The following SERAC1 variants were observed in gnomAD, a reference collection of about 807,000 sequenced individuals.
The protein encoded by SERAC1 is protein SERAC1.
In SERAC1, 36 loss-of-function variants were observed where a neutral mutation model predicts 85.7. That is an observed-to-expected ratio of 0.42 (90% confidence interval 0.32 to 0.55). The LOEUF (loss-of-function observed/expected upper bound fraction) is 0.55. Among genes scored for constraint, SERAC1 ranks in the 20% least tolerant of loss-of-function variants. SERAC1 has a pLI of 0.11. For missense variants in SERAC1, 629 were observed against 796.2 expected, an observed-to-expected ratio of 0.79 and a Z score of 2.53; for synonymous variants, 242 against 265.3, an observed-to-expected ratio of 0.91 and a Z score of 0.85.
intron 1 of SERAC1, among the ~76,000 whole-genome samples, chr6:158,165,292 A>T (rs1785571820): frequency 3.9e-5 from 6 of 151,982 alleles, no homozygotes. Context: ...AGTAGCTGGG[A>T]CTACAGGCGG....
intron 1 of SERAC1, among the ~76,000 whole-genome samples, chr6:158,165,260 A>G (rs1785571065): frequency 6.6e-6 from 1 of 151,852 alleles, no homozygotes. Flanking sequence ...GGTTCACACC[A>G]TTCTCCTGCC....
chr6:158,164,550 A>G (rs900171369), intron 1 of SERAC1, among the ~76,000 whole-genome samples: 2 of 152,160 alleles, frequency 1.3e-5, no homozygotes, highest in African/African-American at 4.8e-5. Flanking sequence ...GAACGGAGAA[A>G]TTTTGAGACT....
chr6:158,167,340 C>G (rs1173996435), intron 1 of SERAC1, among the ~76,000 whole-genome samples: 1 of 151,028 alleles, frequency 6.6e-6, no homozygotes, highest in Non-Finnish European at 1.5e-5. Context: ...GAATTCCAGA[C>G]CAGCCTGGCC....
At chr6:158,138,578 G>A (rs1220301952) in intron 8 of SERAC1, among the ~76,000 whole-genome samples, 1 of 152,126 alleles carries the variant, frequency 6.6e-6, no homozygotes, top group Admixed American at 6.5e-5. Context: ...GGTCTCAGGA[G>A]CTCCGACATG....
chr6:158,129,816 C>T (rs1784629988), intron 9 of SERAC1, among the ~76,000 whole-genome samples: 1 of 151,962 alleles, frequency 6.6e-6, no homozygotes, highest in South Asian at 2.1e-4. Context: ...CCTGCCTCAG[C>T]CTCCAAGTAG....
intron 1 of SERAC1, chr6:158,166,164 A>G (rs981065029): frequency 1.3e-5 from 2 of 152,190 alleles, no homozygotes; most frequent in African/African-American, 4.8e-5. Flanking sequence ...ACTGTTGTCA[A>G]TAGTTTGAAA....
At chr6:158,123,347 C>T (rs969931986) in intron 10 of SERAC1, among the ~76,000 whole-genome samples, 3 of 152,260 alleles carry the variant, frequency 2.0e-5, no homozygotes, top group Admixed American at 6.5e-5. Flanking sequence ...CAGGCCCAAA[C>T]ATGGCTGGAG....
At position 158,111,108 on chromosome 6, in the gene SERAC1, C is replaced by T. The variant is rs185841896; in HGVS notation, c.*258G>A. ...GCTCCAGTCACCAAGCCCAACACTG[C>T]GAACCATAAAGCAGCACACAGGGAC... On this transcript the variant is annotated 3_prime_UTR_variant, in exon 17 of 17. Transcript: ENST00000647468. 1.3e-3 allele frequency: 334 copies of T among 259,010 alleles called. 4 individuals carry two copies. Among genetic ancestry groups the T allele is most frequent in the Non-Finnish European group, 1.6e-4 (22 of 135,812 alleles). The allele number at this position is 259,010 out of a possible 1,614,324, so 16.0% of individuals were successfully genotyped here. A position where few individuals can be genotyped will look rare whatever the true frequency, so the allele number is the denominator to read the frequency against.
intron 10 of SERAC1, among the ~76,000 whole-genome samples, chr6:158,126,946 G>A (rs558968887): frequency 2.6e-5 from 4 of 152,032 alleles, no homozygotes; most frequent in Admixed American, 6.6e-5. Context: ...CCAGCTACTC[G>A]GGAGGCTGAG....
intron 3 of SERAC1, among the ~76,000 whole-genome samples, chr6:158,151,490 C>T (rs912653952): frequency 2.0e-5 from 3 of 152,024 alleles, no homozygotes; most frequent in Non-Finnish European, 4.4e-5. Context: ...GGCACAATCT[C>T]GGCTCACCGC....
intron 1 of SERAC1, among the ~76,000 whole-genome samples, chr6:158,160,102 A>C (rs1785452706): frequency 6.6e-6 from 1 of 152,126 alleles, no homozygotes; most frequent in African/African-American, 2.4e-5. Context: ...ACAGCTCCAA[A>C]CGGCCATTGA....
chr6:158,115,243 G>C lies in SERAC1; in HGVS notation c.1502-272C>G, dbSNP rs116044868. 6.8e-3 allele frequency among the ~76,000 whole-genome samples: 1,033 copies of C among 152,340 alleles called. 15 individuals are homozygous for C. Among genetic ancestry groups the C allele is most frequent in the African/African-American group, 0.024 (985 of 41,584 alleles). On this transcript the variant is annotated intron_variant, in intron 14 of 16. Transcript: ENST00000647468. ...TTGTCTCACAGGATCTACTGTCCCA[G>C]TGCAGGAACATGAGGTATGCCCAGC...
In SERAC1 at chr6:158,119,082, C is replaced by G; in HGVS notation, c.1255G>C (p.Val419Leu). 6.2e-7 allele frequency: 1 copy of G among 1,614,032 alleles called. No individual in the cohort carries two copies. Among genetic ancestry groups the G allele is most frequent in the African/African-American group, 1.3e-5 (1 of 75,064 alleles). The stretch of plus-strand genomic sequence containing the variant: ...TCATCCTCCATAGGTTTTTCAATTA[C>G]AGCCTGCTCACTGTCCTGCTGGCGC... ...TWRQQDSEQA[V>L]IEKPMEDEDR... Residue 419 changes from valine to leucine, a missense_variant, in exon 12 of 17, where the codon GTA (valine) becomes CTA (leucine). Physicochemically the swap from Val to Leu is conservative, Grantham distance 32. Coordinates refer to ENST00000647468, the MANE Select transcript of SERAC1 (RefSeq NM_032861.4). The surrounding 1 kb of genome is among the most constrained non-coding windows in gnomAD (Gnocchi z 4.5).
chr6:158,141,887 AC>A (rs1026036698), intron 8 of SERAC1, among the ~76,000 whole-genome samples: 2 of 152,228 alleles, frequency 1.3e-5, no homozygotes, highest in African/African-American at 4.8e-5. Flanking sequence ...AGTATACTAG[AC>A]AAGTCATTTC....
chr6:158,144,244 A>G, intron 7 of SERAC1, 55 bp downstream of exon 7: 1 of 1,392,280 alleles, frequency 7.2e-7, no homozygotes, highest in Non-Finnish European at 9.9e-7. Flanking sequence ...AAGTGAAGAT[A>G]ATATATTAAA....
intron 8 of SERAC1, among the ~76,000 whole-genome samples, chr6:158,137,404 G>C (rs1325308508): frequency 6.6e-6 from 1 of 151,550 alleles, no homozygotes; most frequent in Non-Finnish European, 1.5e-5. Flanking sequence ...ACGGAGTCTT[G>C]CTCTGTCATT....
In SERAC1 at chr6:158,113,535, T is replaced by G. The variant is rs1201129726; in HGVS notation, c.1742A>C (p.Asn581Thr). 2 of 1,613,862 alleles carry G rather than the reference T, an allele frequency of 1.2e-6. No individual in the cohort carries two copies. The highest frequency in any genetic ancestry group is 1.7e-6 in the Non-Finnish European group (2 of 1,179,870). The change falls in exon 16 of 17, where the codon AAC (asparagine) becomes ACC (threonine). Residue 581 changes from asparagine (N) to threonine (T), a missense_variant. Coordinates refer to ENST00000647468, the MANE Select transcript of SERAC1 (RefSeq NM_032861.4). ...DDFLEFAKDK[N>T]FQVLNFVETL... The stretch of plus-strand genomic sequence containing the variant: ...TTCCACAAAATTCAGCACCTGGAAG[T>G]TTTTGTCTTTAGCAAACTCCAGAAA...
chr6:158,131,313 T>G (rs916600167), intron 8 of SERAC1, among the ~76,000 whole-genome samples: 4 of 147,430 alleles, frequency 2.7e-5, no homozygotes, highest in Non-Finnish European at 4.5e-5. Context: ...TATTATATAT[T>G]TATATATTGT....
intron 3 of SERAC1, among the ~76,000 whole-genome samples, chr6:158,154,159 C>CAAA (rs3041474): frequency 0.11 from 7,525 of 65,838 alleles, 672 homozygotes; most frequent in East Asian, 0.42. Flanking sequence ...AACTCTGTCT[C>CAAA]AAAAAAAAAA....
Sources: allele counts gnomAD v4.1 joint callset (sites outside exome capture counted in the v4.1 genomes callset), GRCh38; gene constraint gnomAD v4.1.1; non-coding constraint Gnocchi (gnomAD v3.1); transcripts MANE v1.5; gene names NCBI Gene and HGNC (gene_info 2026-07-23, HGNC 2026-07-21).